CTNNA3: variants seen among roughly 807,000 people sequenced by gnomAD.
CTNNA3 encodes the protein catenin alpha-3.
Under a neutral mutation model 95.7 loss-of-function variants are expected in CTNNA3, and 76 were observed. That is an observed-to-expected ratio of 0.79 (90% CI 0.66 to 0.96). The LOEUF (loss-of-function observed/expected upper bound fraction) is 0.96, where lower values mean the gene tolerates loss of function less well. CTNNA3 is among the 40% of genes least tolerant of loss of function. The pLI is 0.00. For missense variants in CTNNA3, 1,191 were observed against 1,089.8 expected (o/e 1.09, Z -1.31); for synonymous variants, 431 against 374.4 (o/e 1.15, Z -1.74).
chr10:66,054,716 C>T (rs1241603167), intron 15 of CTNNA3, among the ~76,000 whole-genome samples: 1 of 152,006 alleles, frequency 6.6e-6, no homozygotes, highest in Non-Finnish European at 1.5e-5. Context: ...GCAGAAGAAG[C>T]TTTTTACTTT....
rs1589409853 is a variant in CTNNA3, at chr10:66,103,385, C to A, written c.1885-136G>T. On this transcript the variant is annotated intron_variant, in intron 13 of 17. Transcript: ENST00000433211. ...GCAATTTCACTCCCAGTTATATACT[C>A]AAGAGAAAGGAAGGCATATGTCCAC... 2.8e-5 allele frequency: 19 copies of A among 670,760 alleles called. No individual in the cohort carries two copies. In the East Asian group the frequency reaches 5.1e-4, roughly 18 times the overall value. 41.6% of individuals were successfully genotyped at this position (670,760 alleles called of 1,614,324 possible).
chr10:67,387,907 T>A (rs200813399), intron 5 of CTNNA3, among the ~76,000 whole-genome samples: 8 of 151,598 alleles, frequency 5.3e-5, no homozygotes, highest in Non-Finnish European at 1.0e-4. Flanking sequence ...AAAACCCATC[T>A]GTACATCACC....
chr10:67,347,021 A>G (rs756915603), intron 5 of CTNNA3, among the ~76,000 whole-genome samples: 1 of 151,572 alleles, frequency 6.6e-6, no homozygotes, highest in Non-Finnish European at 1.5e-5. Flanking sequence ...GGAGGAAGTT[A>G]TTTTATCTAA....
chr10:66,788,373 A>G (rs1199244982), intron 7 of CTNNA3, among the ~76,000 whole-genome samples: 1 of 152,188 alleles, frequency 6.6e-6, no homozygotes, highest in Admixed American at 6.5e-5. Flanking sequence ...ACAGCAGCAC[A>G]AAGCTCCCGA....
intron 7 of CTNNA3, among the ~76,000 whole-genome samples, chr10:66,965,947 A>G (rs1007156178): frequency 8.5e-5 from 13 of 152,300 alleles, no homozygotes; most frequent in Middle Eastern, 6.8e-3. Context: ...CAAGCACTAT[A>G]TAAGTCTGGA....
At chr10:67,619,388 T>C (rs77529594) in intron 2 of CTNNA3, among the ~76,000 whole-genome samples, 20,137 of 152,114 alleles carry the variant, frequency 0.13, 2,369 homozygotes, top group African/African-American at 0.32. Context: ...CTTCAATAAA[T>C]GGTGCTAGGA....
At chr10:67,260,999 A>G (rs1445333862) in intron 5 of CTNNA3, among the ~76,000 whole-genome samples, 1 of 152,106 alleles carries the variant, frequency 6.6e-6, no homozygotes, top group Non-Finnish European at 1.5e-5. Flanking sequence ...TCACTGCTAA[A>G]TCCATTTCTT....
At chr10:67,205,082 T>G (rs1249604527) in intron 6 of CTNNA3, among the ~76,000 whole-genome samples, 2 of 152,172 alleles carry the variant, frequency 1.3e-5, no homozygotes, top group Non-Finnish European at 2.9e-5. Context: ...CGTAACCTGG[T>G]GGTCTTTTAT....
intron 7 of CTNNA3, among the ~76,000 whole-genome samples, chr10:67,077,657 G>A (rs1184335023): frequency 6.6e-6 from 1 of 152,078 alleles, no homozygotes; most frequent in Non-Finnish European, 1.5e-5. Context: ...TTTTTCCTCT[G>A]TAACCAACAT....
intron 3 of CTNNA3, among the ~76,000 whole-genome samples, chr10:67,596,253 T>G (rs1463565979): frequency 6.6e-6 from 1 of 152,212 alleles, no homozygotes; most frequent in East Asian, 1.9e-4. Flanking sequence ...TGTTTTGTGG[T>G]GGCTGGTAAT....
chr10:66,385,981 C>G (rs985676352), intron 11 of CTNNA3, among the ~76,000 whole-genome samples: 5 of 152,142 alleles, frequency 3.3e-5, no homozygotes, highest in Admixed American at 3.3e-4. Context: ...CCACAGCCCC[C>G]AATATCATAC....
intron 11 of CTNNA3, among the ~76,000 whole-genome samples, chr10:66,513,377 G>C: frequency 6.6e-6 from 1 of 152,140 alleles, no homozygotes; most frequent in Non-Finnish European, 1.5e-5. Context: ...AGTCCAATCA[G>C]TAGTATCTAT....
chr10:66,892,581 A>G (rs1269152050), intron 7 of CTNNA3, among the ~76,000 whole-genome samples: 1 of 152,104 alleles, frequency 6.6e-6, no homozygotes, highest in Non-Finnish European at 1.5e-5. Flanking sequence ...TTTTCCTTCT[A>G]AACTTTTTAA....
At chr10:67,638,671 A>G (rs1052887379) in intron 2 of CTNNA3, among the ~76,000 whole-genome samples, 2 of 152,250 alleles carry the variant, frequency 1.3e-5, no homozygotes, top group African/African-American at 2.4e-5. Flanking sequence ...CTCAGACCAC[A>G]GTGCAATCAA....
At chr10:66,670,410 A>G (rs1473087158) in intron 9 of CTNNA3, among the ~76,000 whole-genome samples, 2 of 152,056 alleles carry the variant, frequency 1.3e-5, no homozygotes, top group African/African-American at 4.8e-5. Context: ...TGACATCTCA[A>G]TTTCCTTGGG....
chr10:67,704,967 C>G (rs185756712), intron 1 of CTNNA3, among the ~76,000 whole-genome samples: 1 of 151,922 alleles, frequency 6.6e-6, no homozygotes, highest in African/African-American at 2.4e-5. Context: ...AGTGGGCGAA[C>G]GACATGAACA....
chr10:67,232,440 A>G (rs963047430), intron 5 of CTNNA3, among the ~76,000 whole-genome samples: 8 of 152,138 alleles, frequency 5.3e-5, no homozygotes, highest in African/African-American at 1.7e-4. Flanking sequence ...GAAATAAAAT[A>G]CTTTACAGAG....
chr10:67,731,417 G>C (rs1271246370), intron 1 of CTNNA3, among the ~76,000 whole-genome samples: 2 of 151,988 alleles, frequency 1.3e-5, no homozygotes, highest in Non-Finnish European at 2.9e-5. Flanking sequence ...GGAAGCGGAG[G>C]TTGCAGTGAG....
At chr10:67,273,300 G>T (rs1455119009) in intron 5 of CTNNA3, among the ~76,000 whole-genome samples, 1 of 152,062 alleles carries the variant, frequency 6.6e-6, no homozygotes, top group Non-Finnish European at 1.5e-5. Flanking sequence ...ATTTAAAAAT[G>T]GGAAAACTAT....
Sources: allele counts gnomAD v4.1 joint callset (sites outside exome capture counted in the v4.1 genomes callset), GRCh38; gene constraint gnomAD v4.1.1; transcripts MANE v1.5; gene names NCBI Gene and HGNC (gene_info 2026-07-23, HGNC 2026-07-21).